Variants in MYO1B observed in about 807,000 individuals in gnomAD.
The protein encoded by MYO1B is myosin IB.
MYO1B carries 72 observed loss-of-function variants against 159.7 expected under a neutral mutation model. That is an observed-to-expected ratio of 0.45 (90% confidence interval 0.37 to 0.55). MYO1B has a LOEUF of 0.55. Ranked by LOEUF, MYO1B falls within the 20% of genes least tolerant of loss-of-function variation. The probability of loss-of-function intolerance (pLI) is 0.00; values close to 1 mark genes in which losing one functional copy is unlikely to be tolerated. For missense variants in MYO1B, 1,062 were observed against 1,364.8 expected, an observed-to-expected ratio of 0.78 and a Z score of 3.50; for synonymous variants, 468 against 473.8, an observed-to-expected ratio of 0.99 and a Z score of 0.16.
intron 7 of MYO1B, among the ~76,000 whole-genome samples, chr2:191,353,954 A>G (rs1305993917): frequency 6.6e-6 from 1 of 152,220 alleles, no homozygotes. Flanking sequence ...AGTGACCAGC[A>G]ACTAAAATAG....
chr2:191,341,112 C>G (rs1692195388), intron 4 of MYO1B, among the ~76,000 whole-genome samples: 1 of 151,822 alleles, frequency 6.6e-6, no homozygotes, highest in African/African-American at 2.4e-5. Context: ...GTAAAGATAC[C>G]CAGGTTATCA....
At chr2:191,249,212 G>A (rs1020937516) in intron 1 of MYO1B, among the ~76,000 whole-genome samples, 3 of 152,166 alleles carry the variant, frequency 2.0e-5, no homozygotes, top group African/African-American at 7.2e-5. Flanking sequence ...CGATGCCAGA[G>A]TGTCTTTTTA....
intron 1 of MYO1B, among the ~76,000 whole-genome samples, chr2:191,249,462 C>T (rs1320146222): frequency 1.3e-5 from 2 of 152,192 alleles, no homozygotes; most frequent in South Asian, 2.1e-4. Flanking sequence ...GATTTTTGTG[C>T]TCATCCCTTC....
chr2:191,251,926 T>C (rs1686149140), intron 1 of MYO1B, among the ~76,000 whole-genome samples: 1 of 152,178 alleles, frequency 6.6e-6, no homozygotes, highest in African/African-American at 2.4e-5. Flanking sequence ...ACCTTCTCTC[T>C]CCATCATTGC....
intron 27 of MYO1B, among the ~76,000 whole-genome samples, chr2:191,411,714 C>T (rs1008982714): frequency 6.6e-6 from 1 of 152,200 alleles, no homozygotes; most frequent in Non-Finnish European, 1.5e-5. Context: ...ACAGCACGTT[C>T]AGTTCCTTTA....
At chr2:191,417,111 A>T (rs1295652258) in intron 30 of MYO1B, among the ~76,000 whole-genome samples, 5 of 152,194 alleles carry the variant, frequency 3.3e-5, no homozygotes, top group Non-Finnish European at 5.9e-5. Context: ...TCTAATTAAG[A>T]ATTTTCTAGT....
At chr2:191,315,967 T>C (rs565728523) in intron 3 of MYO1B, among the ~76,000 whole-genome samples, 1 of 152,274 alleles carries the variant, frequency 6.6e-6, no homozygotes, top group South Asian at 2.1e-4. Context: ...CTAGTATACA[T>C]CTAGGGATGA....
At chr2:191,350,549 C>G (rs1471276988) in intron 7 of MYO1B, among the ~76,000 whole-genome samples, 1 of 151,820 alleles carries the variant, frequency 6.6e-6, no homozygotes. Context: ...AAAAGATCCT[C>G]TAAGGGTTAT....
intron 2 of MYO1B, among the ~76,000 whole-genome samples, chr2:191,277,966 G>A (rs1276391061): frequency 1.3e-5 from 2 of 152,166 alleles, no homozygotes; most frequent in Non-Finnish European, 2.9e-5. Context: ...AGATAATACA[G>A]TGATACAAGT....
intron 3 of MYO1B, among the ~76,000 whole-genome samples, chr2:191,298,324 A>G (rs1019908889): frequency 6.6e-6 from 1 of 152,218 alleles, no homozygotes; most frequent in Admixed American, 6.5e-5. Context: ...AAGACAAATA[A>G]TATCTGAAAT....
intron 2 of MYO1B, among the ~76,000 whole-genome samples, chr2:191,288,313 C>G (rs910883022): frequency 1.3e-5 from 2 of 151,352 alleles, no homozygotes; most frequent in African/African-American, 2.4e-5. Context: ...AACCTAACGT[C>G]TTATGTCACT....
At position 191,276,892 on chromosome 2, in the gene MYO1B, G is replaced by C; in HGVS notation, c.-4G>C. On this transcript the variant is annotated 5_prime_UTR_variant, in exon 2 of 31. Transcript: ENST00000392318. ...CCTTTCCCTCTCTTCTGCAGCTGGA[G>C]ACCATGGCCAAAATGGAGGTGAAAA... The C allele has an allele frequency of 6.2e-7, 1 of 1,604,482 alleles. No individual in the cohort carries two copies. Among genetic ancestry groups the C allele is most frequent in the Non-Finnish European group, 8.5e-7 (1 of 1,176,870 alleles).
chr2:191,246,410 T>A (rs1378795172), intron 1 of MYO1B: 1 of 152,018 alleles, frequency 6.6e-6, no homozygotes, highest in African/African-American at 2.4e-5. Context: ...GCCATGTGAG[T>A]TTCTAGAGCT....
At chr2:191,367,800 A>G (rs1694100556) in intron 11 of MYO1B, among the ~76,000 whole-genome samples, 1 of 152,222 alleles carries the variant, frequency 6.6e-6, no homozygotes. Context: ...CTCATGAGGT[A>G]GTAGTAGACG....
chr2:191,397,595 T>G (rs1381669025), intron 21 of MYO1B, among the ~76,000 whole-genome samples: 2 of 150,248 alleles, frequency 1.3e-5, no homozygotes, highest in Admixed American at 6.6e-5. Flanking sequence ...TCTACTTCTA[T>G]CCACACAGAC....
chr2:191,418,520 G>A lies in MYO1B; in HGVS notation c.3287+2278G>A, dbSNP rs140655295. ...TTTTTTTTTTTTGAGGCAGAGTTTCGCTCTTGTTGCCAAGGCTGGAGTGCA... is the reference window on the plus strand; with the variant it reads ...TTTTTTTTTTTTGAGGCAGAGTTTCACTCTTGTTGCCAAGGCTGGAGTGCA... On this transcript the variant is annotated intron_variant, in intron 30 of 30. Coordinates refer to ENST00000392318, the MANE Select transcript of MYO1B (RefSeq NM_001130158.3). 9.2e-3 allele frequency among the ~76,000 whole-genome samples: 897 copies of A among 97,156 alleles called. 7 individuals are homozygous for A. The highest frequency in any genetic ancestry group is 0.032 in the African/African-American group (862 of 26,946). The allele number at this position is 97,156 out of a possible 152,430, so 63.7% of individuals were successfully genotyped here. A position where few individuals can be genotyped will look rare whatever the true frequency, so the allele number is the denominator to read the frequency against.
intron 1 of MYO1B, among the ~76,000 whole-genome samples, chr2:191,260,622 C>T (rs1686755728): frequency 6.6e-6 from 1 of 151,914 alleles, no homozygotes. Flanking sequence ...TTTCTGGGAG[C>T]CTTTGCTTTT....
At chr2:191,401,232 G>A (rs575812898) in intron 23 of MYO1B, among the ~76,000 whole-genome samples, 311 of 152,126 alleles carry the variant, frequency 2.0e-3, no homozygotes, top group African/African-American at 7.2e-3. Context: ...TCTGCAACAT[G>A]TTGACAATGG....
intron 1 of MYO1B, among the ~76,000 whole-genome samples, chr2:191,276,028 C>T (rs1559133641): frequency 6.6e-6 from 1 of 152,182 alleles, no homozygotes; most frequent in South Asian, 2.1e-4. Context: ...CCTCTGTTTC[C>T]ACTTGGTAGA....
Sources: gnomAD v4.1 joint callset for allele counts (sites outside exome capture counted in the v4.1 genomes callset) on GRCh38, gnomAD v4.1.1 for gene constraint, MANE v1.5 for transcripts, NCBI Gene and HGNC (gene_info 2026-07-23, HGNC 2026-07-21) for gene names.